LPP: variants seen among roughly 807,000 people sequenced by gnomAD.
LPP encodes LIM domain containing preferred translocation partner in lipoma, also known as lipoma-preferred partner.
Under a neutral mutation model 60.4 loss-of-function variants are expected in LPP, and 38 were observed. The observed-to-expected ratio is 0.63, with a 90% CI of 0.49 to 0.83. The LOEUF is 0.83. LPP is among the 40% of genes least tolerant of loss of function. The probability of loss-of-function intolerance (pLI) is 0.00; values close to 1 mark genes in which losing one functional copy is unlikely to be tolerated. For synonymous variants in LPP, 328 were observed against 290.8 expected, an observed-to-expected ratio of 1.13 and a Z score of -1.30; for missense variants, 902 against 783.6, an observed-to-expected ratio of 1.15 and a Z score of -1.80.
At chr3:188,180,942 T>A (rs1249594838) in intron 1 of LPP, 1 of 152,144 alleles carries the variant, frequency 6.6e-6, no homozygotes, top group Non-Finnish European at 1.5e-5. Flanking sequence ...CTATGATTAT[T>A]TTCTAAGGTA....
At chr3:188,520,252 G>A (rs1234906319) in intron 5 of LPP, among the ~76,000 whole-genome samples, 3 of 152,166 alleles carry the variant, frequency 2.0e-5, no homozygotes, top group Non-Finnish European at 4.4e-5. Context: ...GTAAAGGGAC[G>A]CTGTCAGTAG....
chr3:188,269,870 A>T lies in LPP; in HGVS notation c.-67+44343A>T, dbSNP rs182819908. 3.8e-3 allele frequency among the ~76,000 whole-genome samples: 574 copies of T among 152,270 alleles called. 17 individuals are homozygous for T. The highest frequency in any genetic ancestry group is 0.033 in the Admixed American group (501 of 15,302). On this transcript the variant is annotated intron_variant, in intron 2 of 11. Coordinates refer to ENST00000617246, the MANE Select transcript of LPP (RefSeq NM_001375462.1). ...ACCATGTTGGCCAGGCTGGTCTTGA[A>T]TTCCTGACCTCAAGTGATCCACCCA... is the stretch of plus-strand genomic sequence containing the variant.
At chr3:188,274,994 T>A (rs1414280938) in intron 2 of LPP, among the ~76,000 whole-genome samples, 2 of 152,210 alleles carry the variant, frequency 1.3e-5, no homozygotes, top group African/African-American at 4.8e-5. Flanking sequence ...TAAGCCTAAT[T>A]CAGTGCTTAA....
At chr3:188,781,086 C>T (rs541425391) in intron 9 of LPP, among the ~76,000 whole-genome samples, 9 of 152,178 alleles carry the variant, frequency 5.9e-5, no homozygotes, top group Non-Finnish European at 8.8e-5. Context: ...AGGAACTCAC[C>T]GGGAGAAATA....
intron 9 of LPP, among the ~76,000 whole-genome samples, chr3:188,778,125 C>T (rs1415304192): frequency 1.3e-5 from 2 of 152,114 alleles, no homozygotes; most frequent in Non-Finnish European, 2.9e-5. Context: ...ATCAAATATT[C>T]CAACTGTTTT....
chr3:188,370,201 C>T (rs538988951), intron 3 of LPP, among the ~76,000 whole-genome samples: 6 of 152,222 alleles, frequency 3.9e-5, no homozygotes, highest in Non-Finnish European at 8.8e-5. Context: ...GTTGGGATTA[C>T]AGGCGTGAGT....
chr3:188,322,289 A>G (rs1757169913), intron 2 of LPP, among the ~76,000 whole-genome samples: 1 of 152,212 alleles, frequency 6.6e-6, no homozygotes, highest in Non-Finnish European at 1.5e-5. Flanking sequence ...CTCTGTGAAC[A>G]TATGACTTAT....
At chr3:188,522,815 A>ATGTG (rs1553920216) in intron 5 of LPP, among the ~76,000 whole-genome samples, 11 of 136,522 alleles carry the variant, frequency 8.1e-5, no homozygotes, top group African/African-American at 2.8e-4. Flanking sequence ...ATATATATAT[A>ATGTG]TGTGTATGTG....
intron 2 of LPP, among the ~76,000 whole-genome samples, chr3:188,322,028 C>A (rs1031253664): frequency 6.6e-6 from 1 of 152,192 alleles, no homozygotes; most frequent in African/African-American, 2.4e-5. Context: ...AGATGCTTCA[C>A]CTCATCACTC....
chr3:188,832,422 A>G (rs530735122), intron 9 of LPP, among the ~76,000 whole-genome samples: 5 of 152,176 alleles, frequency 3.3e-5, no homozygotes, highest in South Asian at 2.1e-4. Flanking sequence ...AGATTCTTCC[A>G]CAGCCAACCC....
At chr3:188,232,261 C>A (rs1720274323) in intron 2 of LPP, among the ~76,000 whole-genome samples, 1 of 152,154 alleles carries the variant, frequency 6.6e-6, no homozygotes, top group Middle Eastern at 3.2e-3. Context: ...CAGCTTTGGT[C>A]ACTGAGAATG....
intron 6 of LPP, among the ~76,000 whole-genome samples, chr3:188,560,417 T>G (rs1177014702): frequency 6.6e-6 from 1 of 152,136 alleles, no homozygotes; most frequent in Non-Finnish European, 1.5e-5. Context: ...TGTCCTTATC[T>G]GTTTCTCATG....
intron 6 of LPP, among the ~76,000 whole-genome samples, chr3:188,532,393 C>T (rs1342590139): frequency 6.6e-6 from 1 of 151,710 alleles, no homozygotes; most frequent in African/African-American, 2.4e-5. Context: ...CCACTGCACT[C>T]CAGCCTGGGC....
chr3:188,365,639 G>A (rs753965693), intron 3 of LPP, among the ~76,000 whole-genome samples: 2 of 151,168 alleles, frequency 1.3e-5, no homozygotes, highest in African/African-American at 2.4e-5. Context: ...TTGCTGCCCC[G>A]TTGCTCAAAA....
At chr3:188,158,094 A>T (rs1397004214) in intron 1 of LPP, among the ~76,000 whole-genome samples, 2 of 152,076 alleles carry the variant, frequency 1.3e-5, no homozygotes, top group African/African-American at 4.8e-5. Context: ...CTCTAGCGTC[A>T]TCTCTGTGGG....
In LPP at chr3:188,881,139, C is replaced by CAAAAAAAAAAAAA. The variant is rs11328247; in HGVS notation, c.*6667_*6679dup. 21 of 72,600 alleles carry CAAAAAAAAAAAAA rather than the reference C, an allele frequency of 2.9e-4. 2 individuals carry two copies. The highest frequency in any genetic ancestry group is 1.8e-3 in the East Asian group (6 of 3,372). 4.5% of individuals were successfully genotyped at this position (72,600 alleles called of 1,614,324 possible). The stretch of plus-strand genomic sequence containing the variant: ...TGGGCGAAAGAGCGAGACTCCGTCT[C>CAAAAAAAAAAAAA]AAAAAAAAAAAAAAAAAAATAGGAT... On this transcript the variant is annotated 3_prime_UTR_variant, in exon 12 of 12. Coordinates refer to ENST00000617246, the MANE Select transcript of LPP (RefSeq NM_001375462.1).
intron 2 of LPP, among the ~76,000 whole-genome samples, chr3:188,256,953 C>T (rs1277585621): frequency 6.6e-6 from 1 of 152,160 alleles, no homozygotes; most frequent in African/African-American, 2.4e-5. Context: ...CCATGGTCAC[C>T]ATCCAGAAAT....
intron 4 of LPP, among the ~76,000 whole-genome samples, chr3:188,469,201 C>G (rs1178283532): frequency 6.6e-6 from 1 of 152,044 alleles, no homozygotes; most frequent in East Asian, 1.9e-4. Context: ...TTTTGGAGGT[C>G]TTGTAAACTT....
chr3:188,654,436 G>A (rs992134373), intron 7 of LPP, among the ~76,000 whole-genome samples: 8 of 152,112 alleles, frequency 5.3e-5, no homozygotes, highest in Non-Finnish European at 1.0e-4. Context: ...TGCATCATAC[G>A]AATTTAGCGA....
Sources: allele counts gnomAD v4.1 joint callset (sites outside exome capture counted in the v4.1 genomes callset), GRCh38; gene constraint gnomAD v4.1.1; transcripts MANE v1.5; gene names NCBI Gene and HGNC (gene_info 2026-07-23, HGNC 2026-07-21).